The following CCSER1 variants were observed in gnomAD, a reference collection of about 807,000 sequenced individuals.
CCSER1 encodes coiled-coil serine rich protein 1.
In CCSER1, 41 loss-of-function variants were observed where a neutral mutation model predicts 82.0. The observed-to-expected ratio is 0.50, with a 90% CI of 0.39 to 0.65. The LOEUF (loss-of-function observed/expected upper bound fraction) is 0.65, where lower values mean the gene tolerates loss of function less well. Among genes scored for constraint, CCSER1 ranks in the 30% least tolerant of loss-of-function variants. CCSER1 has a pLI of 0.00. For missense variants in CCSER1, 1,119 were observed against 1,064.2 expected (o/e 1.05, Z -0.72); for synonymous variants, 414 against 383.9 (o/e 1.08, Z -0.92).
chr4:90,908,626 A>G (rs947555208), intron 8 of CCSER1, among the ~76,000 whole-genome samples: 2 of 152,130 alleles, frequency 1.3e-5, no homozygotes, highest in Admixed American at 6.6e-5. Context: ...TATTCATGAA[A>G]TATTTTGTGA....
At chr4:90,362,549 A>G (rs1165727256) in intron 3 of CCSER1, among the ~76,000 whole-genome samples, 2 of 152,192 alleles carry the variant, frequency 1.3e-5, no homozygotes, top group Non-Finnish European at 2.9e-5. Flanking sequence ...CTTATTCAAA[A>G]TCTCATTTCT....
intron 9 of CCSER1, among the ~76,000 whole-genome samples, chr4:91,077,177 C>T (rs1375016096): frequency 6.6e-6 from 1 of 152,092 alleles, no homozygotes; most frequent in Non-Finnish European, 1.5e-5. Flanking sequence ...CCATTAAATA[C>T]AGAGGGTATT....
chr4:90,880,742 G>T (rs1721178439), intron 8 of CCSER1, among the ~76,000 whole-genome samples: 1 of 152,088 alleles, frequency 6.6e-6, no homozygotes, highest in Non-Finnish European at 1.5e-5. Context: ...GCTGAGGTAT[G>T]CTGGGGGCCC....
rs78985328 is a variant in CCSER1, at chr4:90,136,554, T to C, written c.-42+8723T>C. 2.0e-3 allele frequency among the ~76,000 whole-genome samples: 303 copies of C among 152,314 alleles called. 2 individuals are homozygous for C. In the East Asian group the frequency reaches 0.032, roughly 16 times the overall value. ...TTAATGAATGTTTGTTGTGTGTGTG[T>C]TTTGCAATAGCAGTAAATAATGTAT... On this transcript the variant is annotated intron_variant, in intron 1 of 10. Coordinates refer to ENST00000509176, the MANE Select transcript of CCSER1 (RefSeq NM_001145065.2).
At chr4:90,670,217 A>G (rs1234811841) in intron 6 of CCSER1, among the ~76,000 whole-genome samples, 2 of 152,170 alleles carry the variant, frequency 1.3e-5, no homozygotes, top group African/African-American at 4.8e-5. Flanking sequence ...ATTATTGCTT[A>G]CTGTTCTTTG....
intron 10 of CCSER1, among the ~76,000 whole-genome samples, chr4:91,523,654 A>C (rs1426330827): frequency 6.6e-6 from 1 of 151,886 alleles, no homozygotes; most frequent in Non-Finnish European, 1.5e-5. Context: ...TTTCTAGTTT[A>C]TTTGCGTAGA....
chr4:90,349,209 G>T (rs1447602399), intron 3 of CCSER1, among the ~76,000 whole-genome samples: 1 of 151,944 alleles, frequency 6.6e-6, no homozygotes, highest in South Asian at 2.1e-4. Context: ...TATTTAGTAG[G>T]CATGAAATTA....
chr4:91,011,460 G>C (rs1316512692), intron 9 of CCSER1, among the ~76,000 whole-genome samples: 1 of 133,778 alleles, frequency 7.5e-6, no homozygotes, highest in Non-Finnish European at 1.7e-5. Context: ...CCTAGACTCA[G>C]GGTGTCAAGA....
intron 10 of CCSER1, among the ~76,000 whole-genome samples, chr4:91,139,313 G>T (rs1009873491): frequency 6.6e-6 from 1 of 151,804 alleles, no homozygotes; most frequent in South Asian, 2.1e-4. Flanking sequence ...AAACTAGATT[G>T]GTTCCCTATC....
At chr4:90,758,959 T>C (rs1750000471) in intron 7 of CCSER1, among the ~76,000 whole-genome samples, 3 of 152,152 alleles carry the variant, frequency 2.0e-5, no homozygotes, top group African/African-American at 7.2e-5. Flanking sequence ...TTTTTCCCAT[T>C]CTGTTATGTT....
At chr4:90,781,196 A>G (rs1753730543) in intron 7 of CCSER1, 1 of 892,594 alleles carries the variant, frequency 1.1e-6, no homozygotes, top group Non-Finnish European at 1.3e-6. Context: ...ACAACTCGAC[A>G]TGAGATTTGA....
intron 6 of CCSER1, among the ~76,000 whole-genome samples, chr4:90,703,098 T>C (rs182602477): frequency 1.3e-5 from 2 of 152,214 alleles, no homozygotes; most frequent in Non-Finnish European, 2.9e-5. Flanking sequence ...CTGCTTTCTC[T>C]TATGGGCATT....
At chr4:91,196,717 G>A (rs1735466287) in intron 10 of CCSER1, among the ~76,000 whole-genome samples, 1 of 152,168 alleles carries the variant, frequency 6.6e-6, no homozygotes, top group Admixed American at 6.5e-5. Flanking sequence ...TCAATGCATT[G>A]AGCTAGAGTC....
rs17018142 is a variant in CCSER1 at position 91,166,451 on chromosome 4, C to G, written c.2217+80457C>G. Among the ~76,000 whole-genome samples the G allele has an allele frequency of 5.9e-3, 904 of 152,066 alleles. 6 individuals are homozygous for G. The highest frequency in any genetic ancestry group is 0.02 in the African/African-American group (846 of 41,464). On this transcript the variant is annotated intron_variant, in intron 10 of 10. Transcript: ENST00000509176. ...TAGTTGCTCTAATCAAGAAGATAGC[C>G]AAATAGAAAGTCTAATTACCTGTCA...
chr4:90,991,612 T>G (rs1737036948), intron 9 of CCSER1, among the ~76,000 whole-genome samples: 1 of 152,036 alleles, frequency 6.6e-6, no homozygotes, highest in African/African-American at 2.4e-5. Flanking sequence ...TCTAAGGATC[T>G]CAGTCATATT....
intron 1 of CCSER1, among the ~76,000 whole-genome samples, chr4:90,169,511 A>G (rs1011882430): frequency 2.0e-5 from 3 of 152,014 alleles, no homozygotes; most frequent in Admixed American, 1.3e-4. Context: ...TTCCAACACT[A>G]TGTTGAATAG....
chr4:91,177,490 T>C (rs1258273231), intron 10 of CCSER1, among the ~76,000 whole-genome samples: 2 of 152,232 alleles, frequency 1.3e-5, no homozygotes, highest in Non-Finnish European at 2.9e-5. Flanking sequence ...GTTGCCTCAA[T>C]TTCAGAGCCT....
At chr4:90,819,288 C>T (rs1013945463) in intron 8 of CCSER1, among the ~76,000 whole-genome samples, 6 of 152,154 alleles carry the variant, frequency 3.9e-5, no homozygotes, top group Non-Finnish European at 8.8e-5. Flanking sequence ...TCCCAAAGGT[C>T]CTATCTCCAA....
At chr4:90,740,078 A>C (rs1746297216) in intron 7 of CCSER1, among the ~76,000 whole-genome samples, 1 of 152,148 alleles carries the variant, frequency 6.6e-6, no homozygotes, top group Non-Finnish European at 1.5e-5. Flanking sequence ...CCTCAATGCT[A>C]TTTTAATTTC....
Sources: gnomAD v4.1 joint callset for allele counts (sites outside exome capture counted in the v4.1 genomes callset) on GRCh38, gnomAD v4.1.1 for gene constraint, MANE v1.5 for transcripts, NCBI Gene and HGNC (gene_info 2026-07-23, HGNC 2026-07-21) for gene names.